The following FBRSL1 variants were observed in gnomAD, a reference collection of about 807,000 sequenced individuals.
FBRSL1 encodes fibrosin like 1, also known as fibrosin-1-like protein.
FBRSL1 carries 51 observed loss-of-function variants against 89.6 expected under a neutral mutation model. That is an observed-to-expected ratio of 0.57 (90% confidence interval 0.45 to 0.72). FBRSL1 has a LOEUF of 0.72. Among genes scored for constraint, FBRSL1 ranks in the 30% least tolerant of loss-of-function variants. The pLI is 0.00. For synonymous variants in FBRSL1, 779 were observed against 681.1 expected, an observed-to-expected ratio of 1.14 and a Z score of -2.24; for missense variants, 1,618 against 1,451.8, an observed-to-expected ratio of 1.11 and a Z score of -1.86.
At chr12:132,493,497 G>A (rs2031461531) in intron 1 of FBRSL1, among the ~76,000 whole-genome samples, 1 of 152,116 alleles carries the variant, frequency 6.6e-6, no homozygotes. Context: ...ACCAACTCTC[G>A]GCCCCAGCCC....
chr12:132,570,582 G>T (rs1259068623), intron 8 of FBRSL1, 42 bp downstream of exon 8: 5 of 1,437,984 alleles, frequency 3.5e-6, no homozygotes, highest in Non-Finnish European at 4.6e-6. Flanking sequence ...CAGGGGTTGG[G>T]GGGTGCGGGG....
In FBRSL1 at chr12:132,508,347, G is replaced by A. The variant is rs982742354; in HGVS notation, c.486G>A (p.Lys162=). 10 of 1,510,744 alleles carry A rather than the reference G, an allele frequency of 6.6e-6. No homozygotes were observed. The highest frequency in any genetic ancestry group is 1.8e-6 in the Non-Finnish European group (2 of 1,128,808). The allele number at this position is 1,510,744 out of a possible 1,614,324, so 93.6% of individuals were successfully genotyped here. Residue 162 remains lysine, a synonymous_variant, in exon 2 of 19, where the codon AAG becomes AAA. Transcript: ENST00000680143. The stretch of plus-strand genomic sequence containing the variant: ...GAAAGGTCCCACTGCAGCCCTCCAA[G>A]CAGGTGAGCAGGTCCCTCCCCGACC... The part of the protein sequence containing the change: ...GARKVPLQPS[K]QMKVTVSKGG...
At chr12:132,582,577 T>G (rs2040850066) in intron 18 of FBRSL1, among the ~76,000 whole-genome samples, 1 of 151,188 alleles carries the variant, frequency 6.6e-6, no homozygotes, top group Non-Finnish European at 1.5e-5. Context: ...CTAGGAAGGA[T>G]GAGGAGGGTG....
In FBRSL1 at chr12:132,550,497, G is replaced by A. The variant is rs2038067259; in HGVS notation, c.645+2465G>A. Among the ~76,000 whole-genome samples the A allele has an allele frequency of 2.0e-5, 3 of 152,290 alleles. No homozygotes were observed. The South Asian group carries it at 6.2e-4, about 32-fold the overall frequency. Reference sequence around the variant, plus strand: ...GGGGGCAGCTCCCGGAGGCTGCTCGGGGAGAGCAGCAGGGTGGGCCAGGAA... The same window carrying A: ...GGGGGCAGCTCCCGGAGGCTGCTCGAGGAGAGCAGCAGGGTGGGCCAGGAA... On this transcript the variant is annotated intron_variant, in intron 5 of 18. Coordinates refer to ENST00000680143, the MANE Select transcript of FBRSL1 (RefSeq NM_001367871.1).
intron 11 of FBRSL1, among the ~76,000 whole-genome samples, chr12:132,573,247 C>T (rs948463303): frequency 2.6e-5 from 4 of 152,166 alleles, no homozygotes; most frequent in South Asian, 2.1e-4. Flanking sequence ...GGACCATCCC[C>T]GGTAGCTGCC....
intron 5 of FBRSL1, among the ~76,000 whole-genome samples, chr12:132,557,897 C>T (rs928964080): frequency 1.5e-4 from 23 of 152,316 alleles, no homozygotes; most frequent in African/African-American, 5.5e-4. Flanking sequence ...GCTGAGGATG[C>T]ACTGGATCCA....
intron 5 of FBRSL1, among the ~76,000 whole-genome samples, chr12:132,556,663 CCCT>C (rs1400626495): frequency 0.01 from 1,322 of 128,486 alleles, 93 homozygotes; most frequent in African/African-American, 0.03. Flanking sequence ...TGCCTCCAAC[CCCT>C]GTCCTGTGGG....
chr12:132,556,548 C>T (rs1370335364), intron 5 of FBRSL1, among the ~76,000 whole-genome samples: 1 of 18,578 alleles, frequency 5.4e-5, no homozygotes, highest in Non-Finnish European at 1.1e-4. Context: ...GTGCTGCACC[C>T]CCCTCCACCC....
intron 5 of FBRSL1, among the ~76,000 whole-genome samples, chr12:132,549,409 G>A (rs1008647732): frequency 3.3e-5 from 5 of 152,172 alleles, no homozygotes; most frequent in South Asian, 4.1e-4. Context: ...CACAGCTTCC[G>A]CGCCCGAACC....
At chr12:132,506,158 G>A (rs1421243560) in intron 1 of FBRSL1, among the ~76,000 whole-genome samples, 1 of 152,146 alleles carries the variant, frequency 6.6e-6, no homozygotes, top group Non-Finnish European at 1.5e-5. Context: ...GGGGTCAGAC[G>A]GGACAGGAAA....
At chr12:132,570,283 TG>T (rs1439333101) in intron 7 of FBRSL1, 42 bp downstream of exon 7, 3 of 1,510,756 alleles carry the variant, frequency 2.0e-6, no homozygotes, top group Non-Finnish European at 2.6e-6. Context: ...GGTCTCAGGA[TG>T]GGGGCTCTGC....
intron 4 of FBRSL1, among the ~76,000 whole-genome samples, chr12:132,544,078 A>G (rs2037484240): frequency 6.6e-6 from 1 of 152,184 alleles, no homozygotes; most frequent in Admixed American, 6.5e-5. Context: ...TCAGGGGCAG[A>G]GCCTGCCCCC....
intron 2 of FBRSL1, among the ~76,000 whole-genome samples, chr12:132,519,554 A>G (rs1427503701): frequency 6.6e-6 from 1 of 152,192 alleles, no homozygotes; most frequent in Non-Finnish European, 1.5e-5. Flanking sequence ...ACACCTCACC[A>G]GTAGGTGCTG....
chr12:132,530,386 G>A (rs369189004), intron 4 of FBRSL1, among the ~76,000 whole-genome samples: 3 of 152,128 alleles, frequency 2.0e-5, no homozygotes, highest in Non-Finnish European at 4.4e-5. Flanking sequence ...TGACATCTCC[G>A]AGTGCTGGGC....
At chr12:132,529,934 G>T (rs1312901875) in intron 4 of FBRSL1, among the ~76,000 whole-genome samples, 1 of 152,248 alleles carries the variant, frequency 6.6e-6, no homozygotes, top group Non-Finnish European at 1.5e-5. Flanking sequence ...GCTGCATGGG[G>T]TCTCAGGCAG....
chr12:132,536,711 AGT>A (rs780533249), intron 4 of FBRSL1, among the ~76,000 whole-genome samples: 117 of 148,194 alleles, frequency 7.9e-4, no homozygotes, highest in African/African-American at 2.7e-3. Context: ...TGTACATGAC[AGT>A]GTGTGTGAGT....
chr12:132,557,474 G>A (rs577296085), intron 5 of FBRSL1, among the ~76,000 whole-genome samples: 7 of 152,246 alleles, frequency 4.6e-5, no homozygotes, highest in African/African-American at 1.4e-4. Flanking sequence ...AAACTGGGGC[G>A]CAGGGCTGTG....
intron 1 of FBRSL1, among the ~76,000 whole-genome samples, chr12:132,498,250 G>T (rs1389943467): frequency 6.6e-6 from 1 of 152,170 alleles, no homozygotes; most frequent in Non-Finnish European, 1.5e-5. Flanking sequence ...CTGTGTCGGG[G>T]GCATGGGGCC....
intron 1 of FBRSL1, among the ~76,000 whole-genome samples, chr12:132,504,867 C>CG (rs2033486639): frequency 6.6e-6 from 1 of 151,996 alleles, no homozygotes; most frequent in Non-Finnish European, 1.5e-5. Context: ...CGGTGGCTCA[C>CG]GCCTGTAATC....
Sources: allele counts gnomAD v4.1 joint callset (sites outside exome capture counted in the v4.1 genomes callset), GRCh38; gene constraint gnomAD v4.1.1; transcripts MANE v1.5; gene names NCBI Gene and HGNC (gene_info 2026-07-23, HGNC 2026-07-21).